Variants in PTPN5 observed in about 807,000 individuals in gnomAD.
PTPN5 encodes protein tyrosine phosphatase non-receptor type 5, also known as tyrosine-protein phosphatase non-receptor type 5.
In PTPN5, 29 loss-of-function variants were observed where a neutral mutation model predicts 73.9. That is an observed-to-expected ratio of 0.39 (90% CI 0.29 to 0.54). PTPN5 has a LOEUF of 0.54. Among genes scored for constraint, PTPN5 ranks in the 20% least tolerant of loss-of-function variants. PTPN5 has a pLI of 0.65. For missense variants in PTPN5, 652 were observed against 751.4 expected, an observed-to-expected ratio of 0.87 and a Z score of 1.55; for synonymous variants, 267 against 304.7, an observed-to-expected ratio of 0.88 and a Z score of 1.29.
intron 3 of PTPN5, chr11:18,749,315 A>G: frequency 2.0e-6 from 1 of 502,816 alleles, no homozygotes; most frequent in South Asian, 1.4e-5. Context: ...TTTTCCAGGC[A>G]AGAAAAATCA....
chr11:18,760,725 T>G (rs1366116728), intron 3 of PTPN5, among the ~76,000 whole-genome samples: 1 of 152,228 alleles, frequency 6.6e-6, no homozygotes, highest in African/African-American at 2.4e-5. Flanking sequence ...AGTACTTTGT[T>G]CCCAAGAGCA....
intron 1 of PTPN5, among the ~76,000 whole-genome samples, chr11:18,781,259 C>T (rs1434829609): frequency 6.6e-6 from 1 of 151,194 alleles, no homozygotes; most frequent in African/African-American, 2.4e-5. Flanking sequence ...CTCTGCCTCA[C>T]TGGCAGGAAG....
At position 18,733,783 on chromosome 11, in the gene PTPN5, CA is replaced by C. The variant is rs2134195482; in HGVS notation, c.1001-149del. On this transcript the variant is annotated intron_variant, in intron 9 of 14. Transcript: ENST00000358540. This position sits in a 1 kb window ranked among gnomAD's most constrained non-coding sequence, Gnocchi z 4.3. The stretch of plus-strand genomic sequence containing the variant: ...CCCAGCAGCAAAACATTGACCCATT[CA>C]TGGTTCATTTTGTAGGTGAGGACTC... 2 of 742,068 alleles carry C rather than the reference CA, an allele frequency of 2.7e-6. No individual in the cohort carries two copies. Among genetic ancestry groups the C allele is most frequent in the South Asian group, 3.4e-5 (2 of 58,504 alleles). The allele number at this position is 742,068 out of a possible 1,614,324, so 46.0% of individuals were successfully genotyped here.
chr11:18,736,448 C>G (rs566825432), intron 9 of PTPN5, among the ~76,000 whole-genome samples: 88 of 152,354 alleles, frequency 5.8e-4, no homozygotes, highest in Admixed American at 1.1e-3. Context: ...GGACCTCTCT[C>G]CCCCGCTAGG....
intron 3 of PTPN5, among the ~76,000 whole-genome samples, chr11:18,754,726 C>G (rs766614372): frequency 8.5e-5 from 13 of 152,178 alleles, no homozygotes; most frequent in Non-Finnish European, 1.9e-4. Context: ...TAAAGCAAAA[C>G]CAAGTCATCC....
intron 1 of PTPN5, among the ~76,000 whole-genome samples, chr11:18,775,506 C>A (rs1851105557): frequency 6.6e-6 from 1 of 152,168 alleles, no homozygotes; most frequent in Non-Finnish European, 1.5e-5. Context: ...TGCGCGGGAC[C>A]ACGACCTCGG....
intron 8 of PTPN5, 187 bp downstream of exon 8, chr11:18,740,416 T>C: frequency 4.2e-6 from 2 of 471,296 alleles, no homozygotes; most frequent in Non-Finnish European, 7.4e-6. Context: ...TTCATCCCCA[T>C]TTTCCAGATG....
chr11:18,735,214 G>A (rs1849062357), intron 9 of PTPN5, among the ~76,000 whole-genome samples: 1 of 152,172 alleles, frequency 6.6e-6, no homozygotes, highest in Non-Finnish European at 1.5e-5. Context: ...GAGGTAAAGG[G>A]CACAAGCTTC....
intron 2 of PTPN5, among the ~76,000 whole-genome samples, chr11:18,768,572 C>A (rs1850737831): frequency 6.6e-6 from 1 of 152,192 alleles, no homozygotes; most frequent in Admixed American, 6.5e-5. Flanking sequence ...GCCTCTCAGG[C>A]CCCAAGCTGT....
chr11:18,788,580 C>A (rs148116469), intron 1 of PTPN5, among the ~76,000 whole-genome samples: 59 of 152,318 alleles, frequency 3.9e-4, no homozygotes, highest in African/African-American at 1.3e-3. Context: ...ACGTACAAAT[C>A]ATTCACCCAG....
At chr11:18,756,002 T>TAAAAA (rs532445728) in intron 3 of PTPN5, among the ~76,000 whole-genome samples, 40 of 113,152 alleles carry the variant, frequency 3.5e-4, no homozygotes, top group Admixed American at 6.0e-4. Flanking sequence ...AGACTCTAAA[T>TAAAAA]AAAAAAAAAA....
At chr11:18,771,465 T>C (rs1850895613) in intron 2 of PTPN5, among the ~76,000 whole-genome samples, 1 of 152,216 alleles carries the variant, frequency 6.6e-6, no homozygotes, top group Admixed American at 6.5e-5. Flanking sequence ...ACCTGGTTCA[T>C]ATGTCCCTTT....
intron 3 of PTPN5, among the ~76,000 whole-genome samples, chr11:18,763,059 C>A (rs771911711): frequency 1.3e-5 from 2 of 152,172 alleles, no homozygotes; most frequent in Non-Finnish European, 2.9e-5. Context: ...ACAGAGAGGT[C>A]CTTGCCTTCA....
In PTPN5 at chr11:18,752,736, C is replaced by G. The variant is rs117579934; in HGVS notation, c.98-8537G>C. 1.8e-3 allele frequency among the ~76,000 whole-genome samples: 277 copies of G among 152,330 alleles called. 13 individuals carry two copies. The East Asian group carries it at 0.047, about 26-fold the overall frequency. Reference sequence around the variant, plus strand: ...ACGAGGGTGAAAAGGGTCAATGAAACTCTGAGGGTGTTGCTTCCCCCAGCA... The same window carrying G: ...ACGAGGGTGAAAAGGGTCAATGAAAGTCTGAGGGTGTTGCTTCCCCCAGCA... On this transcript the variant is annotated intron_variant, in intron 3 of 14. Transcript: ENST00000358540.
At chr11:18,769,693 C>G (rs1043348792) in intron 2 of PTPN5, among the ~76,000 whole-genome samples, 1 of 152,218 alleles carries the variant, frequency 6.6e-6, no homozygotes, top group Non-Finnish European at 1.5e-5. Flanking sequence ...CGTGAGCCAC[C>G]GCGCCCGGCC....
chr11:18,734,804 AC>A (rs1221202948), intron 9 of PTPN5, among the ~76,000 whole-genome samples: 1 of 152,170 alleles, frequency 6.6e-6, no homozygotes, highest in Non-Finnish European at 1.5e-5. Flanking sequence ...TCATCAGCTC[AC>A]TTGTCCAGGC....
intron 3 of PTPN5, among the ~76,000 whole-genome samples, chr11:18,751,173 CT>C (rs1849871558): frequency 6.6e-6 from 1 of 152,202 alleles, no homozygotes; most frequent in African/African-American, 2.4e-5. Context: ...TCTGTTCTCA[CT>C]GGGAGAGGCT....
rs1252219575 is a variant in PTPN5 at position 18,737,824 on chromosome 11, G to T, written c.1000+56C>A. 3 of 1,475,482 alleles carry T rather than the reference G, an allele frequency of 2.0e-6. No homozygotes were observed. The East Asian group carries it at 6.8e-5, about 33-fold the overall frequency. 91.4% of individuals were successfully genotyped at this position (1,475,482 alleles called of 1,614,324 possible). On this transcript the variant is annotated intron_variant, in intron 9 of 14. Transcript: ENST00000358540. ...GCTGAGGGTCCTCCTCAGGGTGAGGGGATCCCCAGGTGAAGCTGAGCCTGC... is the reference window on the plus strand; with the variant it reads ...GCTGAGGGTCCTCCTCAGGGTGAGGTGATCCCCAGGTGAAGCTGAGCCTGC...
intron 3 of PTPN5, among the ~76,000 whole-genome samples, chr11:18,751,284 C>T (rs970699272): frequency 5.3e-5 from 8 of 152,256 alleles, no homozygotes; most frequent in East Asian, 3.9e-4. Flanking sequence ...CCCTGAAACA[C>T]GGCAAACACT....
Sources: allele counts gnomAD v4.1 joint callset (sites outside exome capture counted in the v4.1 genomes callset), GRCh38; gene constraint gnomAD v4.1.1; non-coding constraint Gnocchi (gnomAD v3.1); transcripts MANE v1.5; gene names NCBI Gene and HGNC (gene_info 2026-07-23, HGNC 2026-07-21).